The following VPS13B variants were observed in gnomAD, a reference collection of about 807,000 sequenced individuals.
The protein encoded by VPS13B is vacuolar protein sorting 13 homolog B.
VPS13B carries 285 observed loss-of-function variants against 426.4 expected under a neutral mutation model. That is an observed-to-expected ratio of 0.67 (90% CI 0.61 to 0.74). The LOEUF is 0.74. VPS13B is among the 30% of genes least tolerant of loss of function. VPS13B has a pLI of 0.00. For missense variants in VPS13B, 4,537 were observed against 4,782.6 expected, an observed-to-expected ratio of 0.95 and a Z score of 1.51; for synonymous variants, 1,676 against 1,676.4, an observed-to-expected ratio of 1.00 and a Z score of 0.01.
At chr8:99,046,266 A>C (rs1411011676) in intron 3 of VPS13B, among the ~76,000 whole-genome samples, 2 of 152,158 alleles carry the variant, frequency 1.3e-5, no homozygotes, top group Non-Finnish European at 2.9e-5. Context: ...CTCCTTGGTT[A>C]GGTATATTCC....
intron 3 of VPS13B, among the ~76,000 whole-genome samples, chr8:99,050,782 C>A (rs931703245): frequency 2.0e-5 from 3 of 152,286 alleles, no homozygotes; most frequent in Non-Finnish European, 2.9e-5. Context: ...CTCTGATGGC[C>A]AGTGATGATG....
intron 39 of VPS13B, among the ~76,000 whole-genome samples, chr8:99,722,166 AC>A (rs149522456): frequency 6.6e-6 from 1 of 152,240 alleles, no homozygotes; most frequent in African/African-American, 2.4e-5. Flanking sequence ...TGAGCAGACC[AC>A]CTGTCACATT....
chr8:99,208,961 C>T (rs1041000273), intron 17 of VPS13B, among the ~76,000 whole-genome samples: 7 of 152,100 alleles, frequency 4.6e-5, no homozygotes, highest in Non-Finnish European at 4.4e-5. Flanking sequence ...TTCTAGTTTT[C>T]AGAGAACTAC....
intron 22 of VPS13B, 141 bp downstream of exon 22, chr8:99,431,805 T>G (rs1355265904): frequency 2.2e-6 from 2 of 891,834 alleles, no homozygotes; most frequent in Non-Finnish European, 3.3e-6. Flanking sequence ...TGAAAATAAT[T>G]GGTGTACTTC....
At chr8:99,391,038 T>A (rs888061157) in intron 20 of VPS13B, among the ~76,000 whole-genome samples, 3 of 152,148 alleles carry the variant, frequency 2.0e-5, no homozygotes, top group African/African-American at 7.2e-5. Flanking sequence ...TTTTCAGTAT[T>A]CTTCAAAAAA....
chr8:99,537,058 AAT>A (rs1428321812), intron 30 of VPS13B, among the ~76,000 whole-genome samples: 1 of 152,170 alleles, frequency 6.6e-6, no homozygotes, highest in Non-Finnish European at 1.5e-5. Context: ...AACAAAATCA[AAT>A]ATGTTTTGAT....
At chr8:99,379,251 T>A (rs1350829037) in intron 19 of VPS13B, among the ~76,000 whole-genome samples, 3 of 152,192 alleles carry the variant, frequency 2.0e-5, no homozygotes, top group Admixed American at 6.5e-5. Context: ...CCTGGTGCCA[T>A]AAAGACTGGG....
chr8:99,523,399 G>A (rs1309198248), intron 30 of VPS13B, among the ~76,000 whole-genome samples: 1 of 152,220 alleles, frequency 6.6e-6, no homozygotes, highest in Non-Finnish European at 1.5e-5. Flanking sequence ...GGTTACCACG[G>A]GCATTGGGTG....
intron 17 of VPS13B, among the ~76,000 whole-genome samples, chr8:99,244,799 TTAAAC>T (rs1376125158): frequency 6.6e-6 from 1 of 152,152 alleles, no homozygotes; most frequent in African/African-American, 2.4e-5. Context: ...TGCCTACTCA[TTAAAC>T]TAAACAGGAA....
In VPS13B at chr8:99,658,910, G is replaced by T. The variant is rs923669719; in HGVS notation, c.5909-2444G>T. On this transcript the variant is annotated intron_variant, in intron 34 of 61. Transcript: ENST00000357162. ...GGCTCACTGCAGCCTTAACCTCCCA[G>T]GCTCAGGTGATCCTCCCACATTATC... Among the ~76,000 whole-genome samples the T allele has an allele frequency of 3.9e-5, 6 of 152,222 alleles. 1 individual carries two copies. In the South Asian group the frequency reaches 1.2e-3, roughly 32 times the overall value.
In VPS13B at chr8:99,233,880, G is replaced by A. The variant is rs1816494832; in HGVS notation, c.2516-40318G>A. 5.1e-6 allele frequency: 4 copies of A among 780,228 alleles called. No individual in the cohort carries two copies. In the East Asian group the frequency reaches 9.7e-5, roughly 19 times the overall value. The allele number at this position is 780,228 out of a possible 1,614,324, so 48.3% of individuals were successfully genotyped here. A position where few individuals can be genotyped will look rare whatever the true frequency, so the allele number is the denominator to read the frequency against. ...TTCTGCATGCTTTCAAGAATCGTGT[G>A]GCATGCTTCAGAAGTCCCCTCTGGG... On this transcript the variant is annotated intron_variant, in intron 17 of 61. Coordinates refer to ENST00000357162, the MANE Select transcript of VPS13B (RefSeq NM_152564.5).
In VPS13B at chr8:99,274,285, G is replaced by T. The variant is rs1466327941; in HGVS notation, c.2603G>T (p.Cys868Phe). The part of the protein sequence containing the change: ...LKYCSTSLVK[C>F]ASGTMGSIKI... ...TACTGCAGCACATCATTGGTCAAAT[G>T]TGCCTCTGGGACCATGGGATCAATA... Residue 868 changes from cysteine (C) to phenylalanine (F), a missense_variant, in exon 18 of 62, where the codon TGT becomes TTT. Transcript: ENST00000357162. 7 of 1,613,986 alleles carry T rather than the reference G, an allele frequency of 4.3e-6. No individual in the cohort carries two copies. Among genetic ancestry groups the T allele is most frequent in the Non-Finnish European group, 5.1e-6 (6 of 1,180,026 alleles).
chr8:99,196,226 A>T (rs1023176166), intron 17 of VPS13B, among the ~76,000 whole-genome samples: 1 of 151,706 alleles, frequency 6.6e-6, no homozygotes, highest in African/African-American at 2.4e-5. Context: ...AGTTTCTTTT[A>T]TCAGTGTTTT....
chr8:99,490,690 G>A (rs750900208), intron 25 of VPS13B, among the ~76,000 whole-genome samples: 4 of 152,182 alleles, frequency 2.6e-5, no homozygotes, highest in Non-Finnish European at 5.9e-5. Flanking sequence ...TATTTGCATA[G>A]AGGTGTTTAT....
intron 31 of VPS13B, among the ~76,000 whole-genome samples, chr8:99,570,294 C>A (rs1218367666): frequency 6.6e-6 from 1 of 151,630 alleles, no homozygotes; most frequent in Non-Finnish European, 1.5e-5. Flanking sequence ...CTTTTCCTTT[C>A]TTTCTGTTCT....
intron 23 of VPS13B, among the ~76,000 whole-genome samples, chr8:99,457,558 A>T (rs566521808): frequency 6.7e-6 from 1 of 150,268 alleles, no homozygotes; most frequent in South Asian, 2.1e-4. Flanking sequence ...AATTTCGTTG[A>T]TTTTTTTCTA....
chr8:99,498,624 T>A (rs1019628096), intron 25 of VPS13B, among the ~76,000 whole-genome samples: 32 of 152,184 alleles, frequency 2.1e-4, no homozygotes, highest in Non-Finnish European at 4.6e-4. Flanking sequence ...GAAATATTTG[T>A]TTATATGATC....
intron 35 of VPS13B, chr8:99,696,739 G>A (rs1285183379): frequency 2.9e-5 from 31 of 1,075,784 alleles, no homozygotes; most frequent in Middle Eastern, 2.2e-4. Context: ...AGATCCGGGG[G>A]ATGGGGGAGA....
At chr8:99,184,826 A>G (rs1813128654) in intron 16 of VPS13B, among the ~76,000 whole-genome samples, 1 of 152,130 alleles carries the variant, frequency 6.6e-6, no homozygotes, top group South Asian at 2.1e-4. Context: ...CCCCGTCTCT[A>G]CCAAAAATAC....
Sources: allele counts gnomAD v4.1 joint callset (sites outside exome capture counted in the v4.1 genomes callset), GRCh38; gene constraint gnomAD v4.1.1; transcripts MANE v1.5; gene names NCBI Gene and HGNC (gene_info 2026-07-23, HGNC 2026-07-21).